BANK1: variants seen among roughly 807,000 people sequenced by gnomAD.
The protein encoded by BANK1 is B-cell scaffold protein with ankyrin repeats.
A neutral mutation model predicts 94.5 loss-of-function variants in BANK1; 95 were observed. That is an observed-to-expected ratio of 1.00 (90% CI 0.85 to 1.19). The LOEUF is 1.19. Among genes scored for constraint, BANK1 ranks in the 50% most tolerant of loss-of-function variants. The pLI is 0.00. For missense variants in BANK1, 987 were observed against 932.2 expected, an observed-to-expected ratio of 1.06 and a Z score of -0.77; for synonymous variants, 334 against 308.4, an observed-to-expected ratio of 1.08 and a Z score of -0.87.
chr4:101,808,122 A>G (rs993916742), intron 1 of BANK1, among the ~76,000 whole-genome samples: 5 of 151,956 alleles, frequency 3.3e-5, no homozygotes, highest in Non-Finnish European at 7.4e-5. Context: ...AAAATAAAAA[A>G]TAAAATCCAA....
Position 101,882,680 on chromosome 4 carries a change from G to A in BANK1, c.903+12036G>A, listed in dbSNP as rs116808047. ...GAAGCTCTGTTTCCTTAGGGCTAAA[G>A]GAATGTCCTTATGTGTACAATGAAG... On this transcript the variant is annotated intron_variant, in intron 5 of 16. Coordinates refer to ENST00000322953, the MANE Select transcript of BANK1 (RefSeq NM_017935.5). 6.3e-3 allele frequency among the ~76,000 whole-genome samples: 959 copies of A among 152,270 alleles called. 11 individuals are homozygous for A. Among genetic ancestry groups the A allele is most frequent in the African/African-American group, 0.021 (887 of 41,548 alleles).
At chr4:102,007,156 A>ATATATATATATATATATATAATATATTT (rs1560682370) in intron 7 of BANK1, among the ~76,000 whole-genome samples, 27 of 114,710 alleles carry the variant, frequency 2.4e-4, no homozygotes, top group African/African-American at 8.0e-4. Flanking sequence ...TTATATATAT[A>ATATATATATATATATATATAATATATTT]TATATATATA....
chr4:101,803,243 G>A (rs1464694192), intron 1 of BANK1, among the ~76,000 whole-genome samples: 1 of 151,976 alleles, frequency 6.6e-6, no homozygotes, highest in Non-Finnish European at 1.5e-5. Flanking sequence ...ATTTTCTTTA[G>A]TGTTATGCAT....
At chr4:102,023,894 C>G (rs1344742097) in intron 8 of BANK1, among the ~76,000 whole-genome samples, 3 of 152,146 alleles carry the variant, frequency 2.0e-5, no homozygotes, top group African/African-American at 7.2e-5. Context: ...ATCATCTACT[C>G]CATCAGCATT....
intron 6 of BANK1, among the ~76,000 whole-genome samples, chr4:101,911,147 A>G (rs1366194413): frequency 1.3e-5 from 2 of 152,172 alleles, no homozygotes; most frequent in Admixed American, 1.3e-4. Context: ...CAGAGCTGGG[A>G]CTTGGATCCA....
chr4:101,916,746 A>C (rs1326395273), intron 6 of BANK1, among the ~76,000 whole-genome samples: 9 of 152,060 alleles, frequency 5.9e-5, no homozygotes, highest in Non-Finnish European at 1.3e-4. Context: ...TTACTGTTTG[A>C]AAGACATTGG....
At chr4:101,815,467 A>G (rs1393271211) in intron 1 of BANK1, among the ~76,000 whole-genome samples, 1 of 152,096 alleles carries the variant, frequency 6.6e-6, no homozygotes, top group African/African-American at 2.4e-5. Context: ...TATAATCTAC[A>G]TTTATTATTG....
intron 7 of BANK1, among the ~76,000 whole-genome samples, chr4:101,986,599 A>C (rs1725488084): frequency 6.6e-6 from 1 of 151,438 alleles, no homozygotes; most frequent in Non-Finnish European, 1.5e-5. Context: ...AGTAATTGGT[A>C]ATTATTATTA....
chr4:102,007,021 G>A (rs1406821539), intron 7 of BANK1, among the ~76,000 whole-genome samples: 2 of 132,558 alleles, frequency 1.5e-5, no homozygotes, highest in Non-Finnish European at 3.2e-5. Context: ...GTCAGAAAAA[G>A]AATACTATCT....
At chr4:101,938,083 C>T (rs1325757299) in intron 7 of BANK1, among the ~76,000 whole-genome samples, 1 of 151,330 alleles carries the variant, frequency 6.6e-6, no homozygotes, top group African/African-American at 2.4e-5. Context: ...ACACTGGGGC[C>T]TGTCAGGGGT....
chr4:101,873,090 T>C (rs1728356310), intron 5 of BANK1, among the ~76,000 whole-genome samples: 2 of 149,918 alleles, frequency 1.3e-5, no homozygotes, highest in Admixed American at 1.3e-4. Context: ...ATTTCAGTAA[T>C]TGTTTCTTTC....
rs10559889 is a variant in BANK1 at position 102,002,544 on chromosome 4, T to TAC, written c.1207-18926_1207-18925dup. 1.7e-3 allele frequency among the ~76,000 whole-genome samples: 251 copies of TAC among 148,126 alleles called. 1 individual carries two copies. In the East Asian group the frequency reaches 0.022, roughly 13 times the overall value. ...TGATGGTAGACAATATTAATACAAA[T>TAC]ACACACACACACACACACACACACA... On this transcript the variant is annotated intron_variant, in intron 7 of 16. Transcript: ENST00000322953.
chr4:101,964,405 A>G (rs1312460999), intron 7 of BANK1, among the ~76,000 whole-genome samples: 2 of 152,110 alleles, frequency 1.3e-5, no homozygotes, highest in Non-Finnish European at 2.9e-5. Context: ...TCTGAAAAAA[A>G]CCGTAACTGA....
intron 2 of BANK1, among the ~76,000 whole-genome samples, chr4:101,851,766 C>T (rs982993661): frequency 6.6e-6 from 1 of 152,226 alleles, no homozygotes; most frequent in African/African-American, 2.4e-5. Context: ...GTGCAGGTTC[C>T]ATTCTGTTCC....
chr4:101,981,251 A>G (rs1725317086), intron 7 of BANK1, among the ~76,000 whole-genome samples: 1 of 152,086 alleles, frequency 6.6e-6, no homozygotes, highest in African/African-American at 2.4e-5. Flanking sequence ...ATTGATTACT[A>G]TTCTGAGAAT....
intron 5 of BANK1, among the ~76,000 whole-genome samples, chr4:101,886,474 A>G (rs943535270): frequency 5.3e-5 from 8 of 152,372 alleles, no homozygotes; most frequent in Middle Eastern, 3.4e-3. Flanking sequence ...AAATCATGGC[A>G]TCATTTATAG....
chr4:102,044,090 T>G (rs1442644076), intron 11 of BANK1, among the ~76,000 whole-genome samples, 183 bp downstream of exon 11: 1 of 152,100 alleles, frequency 6.6e-6, no homozygotes, highest in Non-Finnish European at 1.5e-5. Flanking sequence ...TGCAAGTTAG[T>G]TACATATGTA....
intron 7 of BANK1, among the ~76,000 whole-genome samples, chr4:101,932,280 T>G (rs1020511586): frequency 6.6e-6 from 1 of 151,556 alleles, no homozygotes; most frequent in Admixed American, 6.6e-5. Context: ...GATTTCCTTA[T>G]CCCTTTGGCA....
chr4:101,953,504 A>G (rs1258596442), intron 7 of BANK1, among the ~76,000 whole-genome samples: 1 of 152,064 alleles, frequency 6.6e-6, no homozygotes, highest in African/African-American at 2.4e-5. Context: ...GCAGACTTGC[A>G]ACACTGTATC....
Sources: gnomAD v4.1 joint callset for allele counts (sites outside exome capture counted in the v4.1 genomes callset) on GRCh38, gnomAD v4.1.1 for gene constraint, MANE v1.5 for transcripts, NCBI Gene and HGNC (gene_info 2026-07-23, HGNC 2026-07-21) for gene names.